The following PRH1 variants were observed in gnomAD, a reference collection of about 807,000 sequenced individuals.
PRH1 encodes the protein salivary acidic proline-rich phosphoprotein 1/2.
Under a neutral mutation model 7.9 loss-of-function variants are expected in PRH1, and 7 were observed. The ratio of observed to expected loss-of-function variants is 0.89; its 90% CI spans 0.50 to 1.67. The LOEUF (loss-of-function observed/expected upper bound fraction) is 1.67. Among genes scored for constraint, PRH1 ranks in the 40% most tolerant of loss-of-function variants. The pLI is 0.00. For missense variants in PRH1, 109 were observed against 223.6 expected, an observed-to-expected ratio of 0.49 and a Z score of 3.27; for synonymous variants, 45 against 80.8, an observed-to-expected ratio of 0.56 and a Z score of 2.38.
chr12:10,897,940 G>C (rs577708405), intron 2 of PRH1, among the ~76,000 whole-genome samples: 1 of 152,272 alleles, frequency 6.6e-6, no homozygotes, highest in East Asian at 1.9e-4. Context: ...ACACCATGAA[G>C]TTTCTGGGTG....
chr12:11,005,717 G>A (rs75112342), intron 1 of PRH1, among the ~76,000 whole-genome samples: 1,707 of 152,120 alleles, frequency 0.011, 17 homozygotes, highest in South Asian at 0.032. Context: ...CAGGCAAGTC[G>A]TCCAGGTTGA....
Position 11,087,745 on chromosome 12 carries a change from C to A in PRH1, n.124-40557G>T, listed in dbSNP as rs1224497676. Among the ~76,000 whole-genome samples, 2 of 116,268 alleles carry A rather than the reference C, an allele frequency of 1.7e-5. 1 individual carries two copies. The highest frequency in any genetic ancestry group is 4.1e-5 in the Non-Finnish European group (2 of 49,158). The allele number at this position is 116,268 out of a possible 152,430, so 76.3% of individuals were successfully genotyped here. ...AACCTGATTCACTTAACCTATCTGG[C>A]CTCTACCAAAACCAGATGGATTACA... On this transcript the variant is annotated intron_variant and non_coding_transcript_variant, in intron 1 of 4. Coordinates refer to the PRH1 transcript ENST00000541977.
intron 1 of PRH1, among the ~76,000 whole-genome samples, chr12:11,129,575 T>G (rs76438142): frequency 6.6e-6 from 1 of 152,200 alleles, no homozygotes; most frequent in Non-Finnish European, 1.5e-5. Flanking sequence ...CAAAACCAGA[T>G]GGGTTATCGA....
upstream of PRH1, among the ~76,000 whole-genome samples, chr12:10,885,675 A>G (rs1409315423): frequency 6.6e-6 from 1 of 152,194 alleles, no homozygotes; most frequent in Non-Finnish European, 1.5e-5. Context: ...CTGCTCATCA[A>G]TTCATAAAAT....
At chr12:10,979,110 G>T (rs1047081235) in intron 1 of PRH1, among the ~76,000 whole-genome samples, 8 of 152,016 alleles carry the variant, frequency 5.3e-5, no homozygotes, top group African/African-American at 7.2e-5. Flanking sequence ...GAAGACGGAG[G>T]GCAGGAGGGG....
At position 11,108,389 on chromosome 12, in the gene PRH1, T is replaced by C. The variant is rs576331333; in HGVS notation, n.124-61201A>G. ...TGGAGTGGCTGGCAAAATGTCCTAA[T>C]AGGAACAGCTCCAGTCTGCAAATCC... On this transcript the variant is annotated intron_variant and non_coding_transcript_variant, in intron 1 of 4. Transcript: ENST00000541977. Among the ~76,000 whole-genome samples the C allele has an allele frequency of 2.0e-5, 3 of 152,226 alleles. No individual in the cohort carries two copies. The South Asian group carries it at 6.2e-4, about 32-fold the overall frequency.
intron 1 of PRH1, among the ~76,000 whole-genome samples, chr12:10,983,850 C>T (rs1399059761): frequency 2.0e-5 from 3 of 152,082 alleles, no homozygotes; most frequent in Non-Finnish European, 1.5e-5. Flanking sequence ...CCTCAATTTC[C>T]ACATGTCCTG....
intron 2 of PRH1, among the ~76,000 whole-genome samples, chr12:10,971,351 C>T (rs1459405336): frequency 7.1e-6 from 1 of 141,656 alleles, no homozygotes; most frequent in African/African-American, 2.6e-5. Context: ...ATGGATAGAT[C>T]CTCTTACACT....
intron 1 of PRH1, among the ~76,000 whole-genome samples, chr12:11,114,536 G>A (rs1465701593): frequency 2.6e-5 from 4 of 152,086 alleles, no homozygotes; most frequent in African/African-American, 9.7e-5. Context: ...GATAGCATTA[G>A]GAGAAATATC....
At chr12:10,883,212 T>C (rs1289660953) in intron 1 of PRH1, 116 bp from the exon 2 acceptor site, 1 of 1,183,338 alleles carries the variant, frequency 8.5e-7, no homozygotes, top group Non-Finnish European at 1.2e-6. Context: ...CTTTGTGATC[T>C]CATCAGCCAC....
intron 1 of PRH1, among the ~76,000 whole-genome samples, chr12:11,090,298 A>T (rs111950832): frequency 1.1e-3 from 104 of 94,190 alleles, no homozygotes; most frequent in East Asian, 1.6e-3. Flanking sequence ...TCTATACTAT[A>T]TTTACATTGA....
chr12:11,134,325 T>G, intron 1 of PRH1: 1 of 1,282,756 alleles, frequency 7.8e-7, no homozygotes, highest in Non-Finnish European at 1.1e-6. Flanking sequence ...TGACCTTAAA[T>G]TCTATATGCA....
intron 2 of PRH1, chr12:10,932,457 A>G (rs1373611200): frequency 1.1e-5 from 2 of 188,588 alleles, no homozygotes; most frequent in Non-Finnish European, 2.3e-5. Context: ...TTATTAAGTC[A>G]TCTGCCTGGG....
chr12:10,936,133 T>G lies in PRH1; in HGVS notation c.-59+37522A>C, dbSNP rs774484362. Among the ~76,000 whole-genome samples, 168 of 150,946 alleles carry G rather than the reference T, an allele frequency of 1.1e-3. 1 individual carries two copies. The highest frequency in any genetic ancestry group is 2.1e-3 in the Admixed American group (32 of 15,086). On this transcript the variant is annotated intron_variant, in intron 2 of 3. Transcript: ENST00000539853. Reference sequence around the variant, plus strand: ...CTCTCTGCTATTGCTCTCCTATCCCTCCCACCACCCCGCCCCCACACACAT... The same window carrying G: ...CTCTCTGCTATTGCTCTCCTATCCCGCCCACCACCCCGCCCCCACACACAT...
At chr12:11,171,608 A>C (rs1338489414), upstream of PRH1, 1 of 1,193,814 alleles carries the variant, frequency 8.4e-7, no homozygotes, top group East Asian at 3.2e-5. Context: ...ATGATGGCCG[A>C]CTCCCAGGGT....
At chr12:11,044,188 G>A (rs1030505216) in intron 1 of PRH1, among the ~76,000 whole-genome samples, 2 of 152,078 alleles carry the variant, frequency 1.3e-5, no homozygotes, top group Admixed American at 6.5e-5. Flanking sequence ...AACGTACACT[G>A]GAAAAAGACA....
At chr12:11,071,411 C>A (rs1944062916) in intron 1 of PRH1, among the ~76,000 whole-genome samples, 1 of 152,176 alleles carries the variant, frequency 6.6e-6, no homozygotes. Flanking sequence ...TCTTGGAAGA[C>A]CAAAAGTTTT....
At chr12:10,934,635 A>G (rs1453943209) in intron 2 of PRH1, among the ~76,000 whole-genome samples, 1 of 152,024 alleles carries the variant, frequency 6.6e-6, no homozygotes, top group Non-Finnish European at 1.5e-5. Context: ...AAAAAACTAT[A>G]GGCTCAATAT....
At chr12:10,900,793 C>T (rs1220058071) in intron 2 of PRH1, among the ~76,000 whole-genome samples, 1 of 152,164 alleles carries the variant, frequency 6.6e-6, no homozygotes, top group African/African-American at 2.4e-5. Flanking sequence ...ATCTGCTCCA[C>T]CCTTCTTGTG....
Sources: allele counts gnomAD v4.1 joint callset (sites outside exome capture counted in the v4.1 genomes callset), GRCh38; gene constraint gnomAD v4.1.1; transcripts MANE v1.5; gene names NCBI Gene and HGNC (gene_info 2026-07-23, HGNC 2026-07-21).